GNG4: variants seen among roughly 807,000 people sequenced by gnomAD.
GNG4 encodes guanine nucleotide-binding protein G(I)/G(S)/G(O) subunit gamma-4.
Under a neutral mutation model 5.8 loss-of-function variants are expected in GNG4, and 4 were observed. The observed-to-expected ratio is 0.69, with a 90% confidence interval of 0.34 to 1.57. GNG4 has a LOEUF of 1.57. Ranked by LOEUF, GNG4 falls within the 40% of genes most tolerant of loss-of-function variation. The pLI, the probability that GNG4 is intolerant of heterozygous loss-of-function variation, is 0.06. For missense variants in GNG4, 96 were observed against 95.1 expected (o/e 1.01, Z -0.04); for synonymous variants, 29 against 32.9 (o/e 0.88, Z 0.41).
intron 2 of GNG4, among the ~76,000 whole-genome samples, chr1:235,594,661 G>A (rs912519505): frequency 2.0e-5 from 3 of 152,206 alleles, no homozygotes; most frequent in Admixed American, 6.5e-5. Context: ...CGGGGCTTGC[G>A]GGCCGGCCGC....
rs182691448 is a variant in GNG4 at position 235,573,313 on chromosome 1, G to A, written c.99+10427C>T. ...CACAGGATAGGGAACATCACACACC[G>A]GGGCCTGTCAAGGGGTGGGGGGAGG... On this transcript the variant is annotated intron_variant, in intron 3 of 3. Transcript: ENST00000391854. Among the ~76,000 whole-genome samples, 33 of 141,598 alleles carry A rather than the reference G, an allele frequency of 2.3e-4. No homozygotes were observed. In the East Asian group the frequency reaches 5.3e-3, roughly 23 times the overall value. The allele number at this position is 141,598 out of a possible 152,430, so 92.9% of individuals were successfully genotyped here. A position where few individuals can be genotyped will look rare whatever the true frequency, so the allele number is the denominator to read the frequency against.
Position 235,554,731 on chromosome 1 carries a change from G to A in GNG4, c.100-2494C>T, listed in dbSNP as rs561461707. On this transcript the variant is annotated intron_variant, in intron 3 of 3. Transcript: ENST00000391854. ...GTGGTGGCGGGTGCCTGTAATCCCAGCTACTCAGGAGGCTGAGGCAGGAGA... is the reference window on the plus strand; with the variant it reads ...GTGGTGGCGGGTGCCTGTAATCCCAACTACTCAGGAGGCTGAGGCAGGAGA... Among the ~76,000 whole-genome samples the A allele has an allele frequency of 1.4e-3, 206 of 152,008 alleles. 2 individuals are homozygous for A. Among genetic ancestry groups the A allele is most frequent in the African/African-American group, 4.8e-3 (199 of 41,458 alleles).
chr1:235,559,138 T>C (rs1267012430), intron 3 of GNG4, among the ~76,000 whole-genome samples: 1 of 152,204 alleles, frequency 6.6e-6, no homozygotes, highest in East Asian at 1.9e-4. Context: ...GCTGGTCTAT[T>C]TAACAGTACT....
At chr1:235,592,609 GCTT>G (rs1687998909) in intron 2 of GNG4, among the ~76,000 whole-genome samples, 1 of 152,088 alleles carries the variant, frequency 6.6e-6, no homozygotes, top group African/African-American at 2.4e-5. Context: ...TTTAAACAAA[GCTT>G]CTTTTCCTTA....
At chr1:235,629,186 T>TA (rs144347983) in intron 1 of GNG4, among the ~76,000 whole-genome samples, 4,223 of 147,918 alleles carry the variant, frequency 0.029, 194 homozygotes, top group African/African-American at 0.096. Context: ...CCCCGCCAAT[T>TA]AAAAAAAAAA....
intron 3 of GNG4, among the ~76,000 whole-genome samples, chr1:235,576,116 A>G (rs1243783801): frequency 7.0e-6 from 1 of 143,600 alleles, no homozygotes; most frequent in Admixed American, 7.3e-5. Context: ...GCTGGAGTGC[A>G]GTGGCGTGAT....
At chr1:235,558,249 G>A (rs149461068) in intron 3 of GNG4, among the ~76,000 whole-genome samples, 41 of 152,304 alleles carry the variant, frequency 2.7e-4, no homozygotes, top group Admixed American at 7.8e-4. Flanking sequence ...ATGTAACACT[G>A]TGAAGAATGG....
intron 2 of GNG4, among the ~76,000 whole-genome samples, chr1:235,587,825 A>G (rs1687856891): frequency 2.4e-5 from 3 of 123,656 alleles, no homozygotes; most frequent in Non-Finnish European, 5.4e-5. Context: ...GGCACGTCTC[A>G]GAGCATGCGG....
chr1:235,611,375 A>G (rs1688472376), intron 1 of GNG4, among the ~76,000 whole-genome samples: 1 of 152,062 alleles, frequency 6.6e-6, no homozygotes, highest in African/African-American at 2.4e-5. Flanking sequence ...GGGTCTTGCC[A>G]TGTTGCCCTG....
chr1:235,631,574 TC>T (rs1200544976), intron 1 of GNG4, among the ~76,000 whole-genome samples: 1 of 104,164 alleles, frequency 9.6e-6, no homozygotes, highest in African/African-American at 5.9e-5. Flanking sequence ...TTTCTTTCTT[TC>T]TTTTTTTTTT....
At chr1:235,557,272 T>A (rs748939175) in intron 3 of GNG4, among the ~76,000 whole-genome samples, 9 of 149,142 alleles carry the variant, frequency 6.0e-5, no homozygotes, top group African/African-American at 1.5e-4. Context: ...AATTCTCAAG[T>A]GGCCTGGAAC....
intron 2 of GNG4, among the ~76,000 whole-genome samples, chr1:235,592,947 AT>A (rs57491492): frequency 0.37 from 49,608 of 135,704 alleles, 8,874 homozygotes; most frequent in Middle Eastern, 0.53. Flanking sequence ...GCTCTGTAAC[AT>A]TTTTTTTTTT....
intron 1 of GNG4, among the ~76,000 whole-genome samples, chr1:235,636,890 C>A (rs1689049609): frequency 6.6e-6 from 1 of 152,052 alleles, no homozygotes; most frequent in African/African-American, 2.4e-5. Flanking sequence ...ACCCTAGGAA[C>A]AGTGTGGAGT....
intron 2 of GNG4, among the ~76,000 whole-genome samples, chr1:235,590,345 C>A (rs1687928804): frequency 6.6e-6 from 1 of 152,100 alleles, no homozygotes; most frequent in Admixed American, 6.5e-5. Flanking sequence ...GTCCCAGCTA[C>A]TTGGGAGGCT....
intron 1 of GNG4, among the ~76,000 whole-genome samples, chr1:235,621,688 T>C (rs544507994): frequency 2.8e-4 from 43 of 151,246 alleles, no homozygotes; most frequent in African/African-American, 1.0e-3. Context: ...TACCCTTTTT[T>C]TTTTTGGAGA....
At chr1:235,564,845 C>T (rs1401523531) in intron 3 of GNG4, among the ~76,000 whole-genome samples, 1 of 152,108 alleles carries the variant, frequency 6.6e-6, no homozygotes, top group Non-Finnish European at 1.5e-5. Context: ...GCCTCCACGC[C>T]CGGCTTATTT....
rs764998095 is a variant in GNG4, at chr1:235,552,141, G to A, written c.196C>T (p.Arg66Cys). 2.4e-5 allele frequency: 38 copies of A among 1,613,836 alleles called. No homozygotes were observed. The Admixed American group carries it at 4.5e-4, about 19-fold the overall frequency. ...IPVPASENPF[R>C]EKKFFCTIL ...ATGGTACAAAAGAACTTCTTCTCGC[G>A]AAAGGGGTTTTCTGATGCAGGCACT... Residue 66 changes from arginine to cysteine, a missense_variant, in exon 4 of 4, where the codon CGC becomes TGC. By Grantham distance (180) the Arg-to-Cys change is radical. Coordinates refer to ENST00000391854, the MANE Select transcript of GNG4 (RefSeq NM_001098722.2).
Position 235,562,259 on chromosome 1 carries a change from C to T in GNG4, c.100-10022G>A, listed in dbSNP as rs534078832. Among the ~76,000 whole-genome samples, 17 of 152,260 alleles carry T rather than the reference C, an allele frequency of 1.1e-4. No homozygotes were observed. In the South Asian group the frequency reaches 3.5e-3, roughly 32 times the overall value. ...GTAGTGTCGGTTCTCCAACTTTGTT[C>T]TTCTCCTTCAGTATTTTATTGGCTA... is the stretch of plus-strand genomic sequence containing the variant. On this transcript the variant is annotated intron_variant, in intron 3 of 3. Transcript: ENST00000391854.
chr1:235,597,287 TA>T (rs1688144654), intron 1 of GNG4, among the ~76,000 whole-genome samples: 1 of 152,260 alleles, frequency 6.6e-6, no homozygotes, highest in South Asian at 2.1e-4. Flanking sequence ...CTCCCCTGGC[TA>T]AAATGGAATC....
Sources: allele counts gnomAD v4.1 joint callset (sites outside exome capture counted in the v4.1 genomes callset), GRCh38; gene constraint gnomAD v4.1.1; transcripts MANE v1.5; gene names NCBI Gene and HGNC (gene_info 2026-07-23, HGNC 2026-07-21).